Variants in FAAH2 observed in about 807,000 individuals in gnomAD.
FAAH2 encodes the protein fatty acid amide hydrolase 2.
Under a neutral mutation model 36.9 loss-of-function variants are expected in FAAH2, and 60 were observed. The ratio of observed to expected loss-of-function variants is 1.63; its 90% CI spans 1.32 to 2.02. The LOEUF is 2.02. FAAH2 is among the 30% of genes most tolerant of loss of function. FAAH2 has a pLI of 0.00. For missense variants in FAAH2, 689 were observed against 397.5 expected (o/e 1.73, Z -6.23); for synonymous variants, 214 against 143.8 (o/e 1.49, Z -3.49).
chrX:57,175,657 A>G, the FAAH2 span, among the ~76,000 whole-genome samples: 4 of 111,157 alleles, frequency 3.6e-5, no homozygotes, highest in African/African-American at 1.3e-4. Flanking sequence ...TTATTGTTTT[A>G]TAGGCCCTGT....
At chrX:57,219,650 G>A in the FAAH2 span, among the ~76,000 whole-genome samples, 1 of 110,768 alleles carries the variant, frequency 9.0e-6, no homozygotes, top group South Asian at 3.8e-4. Flanking sequence ...CCTGTTCCAG[G>A]AACAAAAAAG....
At chrX:57,175,328 T>A in the FAAH2 span, among the ~76,000 whole-genome samples, 1 of 111,987 alleles carries the variant, frequency 8.9e-6, no homozygotes, top group Admixed American at 9.5e-5. Flanking sequence ...TATATAACCT[T>A]CTTTGTCTTT....
intron 6 of FAAH2, among the ~76,000 whole-genome samples, chrX:57,379,220 T>A (rs2054770150): frequency 9.0e-6 from 1 of 111,099 alleles, no homozygotes; most frequent in Non-Finnish European, 1.9e-5. Context: ...CATTTCAAAT[T>A]ATTTCCATTT....
chrX:57,394,872 C>G (rs543273962), intron 7 of FAAH2: 17 of 1,005,506 alleles, frequency 1.7e-5, no homozygotes, highest in African/African-American at 7.6e-5. Context: ...AGAAGCAAGT[C>G]ACGCATCAGG....
chrX:57,175,402 G>T, the FAAH2 span, among the ~76,000 whole-genome samples: 1 of 111,336 alleles, frequency 9.0e-6, no homozygotes, highest in Non-Finnish European at 1.9e-5. Context: ...AATGCTTTTG[G>T]TTTTCATTTA....
the FAAH2 span, among the ~76,000 whole-genome samples, chrX:57,164,342 G>T: frequency 8.9e-6 from 1 of 111,986 alleles, no homozygotes; most frequent in Non-Finnish European, 1.9e-5. Context: ...CCCAAAAAAG[G>T]TACATAGATT....
intron 10 of FAAH2, among the ~76,000 whole-genome samples, chrX:57,465,571 CTTA>C (rs1330234041): frequency 9.0e-6 from 1 of 111,419 alleles, no homozygotes; most frequent in Non-Finnish European, 1.9e-5. Flanking sequence ...AACCAATACT[CTTA>C]TAATTCACAG....
chrX:57,424,282 C>CT lies in FAAH2; in HGVS notation c.997-7635dup, dbSNP rs778489936. Among the ~76,000 whole-genome samples, 13 of 112,258 alleles carry CT rather than the reference C, an allele frequency of 1.2e-4. No individual in the cohort carries two copies. The South Asian group carries it at 4.8e-3, about 42-fold the overall frequency. On this transcript the variant is annotated intron_variant, in intron 7 of 10. Transcript: ENST00000374900. ...GCACAGCATTACCCCATCTCTGGGG[C>CT]TGAGCATAGAACCCAGGCCACTGGG... is the stretch of plus-strand genomic sequence containing the variant.
chrX:57,201,172 C>T, the FAAH2 span, among the ~76,000 whole-genome samples: 1 of 110,194 alleles, frequency 9.1e-6, no homozygotes, highest in Admixed American at 9.6e-5. Context: ...CCTGTAATCC[C>T]AGCACTTTGG....
chrX:57,193,148 C>G, the FAAH2 span, among the ~76,000 whole-genome samples: 1 of 111,953 alleles, frequency 8.9e-6, no homozygotes, highest in East Asian at 2.8e-4. Flanking sequence ...AATTCTGTTT[C>G]TCAGCAAGGA....
At chrX:57,476,790 A>C (rs2057278443) in intron 10 of FAAH2, among the ~76,000 whole-genome samples, 2 of 110,574 alleles carry the variant, frequency 1.8e-5, no homozygotes, top group Admixed American at 1.9e-4. Flanking sequence ...TATATGGTAG[A>C]ATTTGACTGT....
intron 10 of FAAH2, among the ~76,000 whole-genome samples, chrX:57,486,874 A>C (rs1025664958): frequency 3.6e-5 from 4 of 111,719 alleles, no homozygotes; most frequent in Non-Finnish European, 7.5e-5. Flanking sequence ...GATATTCATG[A>C]AAGTATTCTT....
chrX:57,202,931 G>A, the FAAH2 span, among the ~76,000 whole-genome samples: 2 of 111,960 alleles, frequency 1.8e-5, no homozygotes, highest in Non-Finnish European at 3.8e-5. Flanking sequence ...CCAGAGCCCT[G>A]CTAGGAATTT....
the FAAH2 span, among the ~76,000 whole-genome samples, chrX:57,123,597 C>G: frequency 1.5e-4 from 17 of 112,102 alleles, no homozygotes; most frequent in South Asian, 3.7e-4. Context: ...CACAATGGTT[C>G]AACTAGTTTA....
intron 5 of FAAH2, among the ~76,000 whole-genome samples, chrX:57,346,311 T>C (rs1027034577): frequency 4.5e-5 from 5 of 111,776 alleles, no homozygotes; most frequent in African/African-American, 1.6e-4. Flanking sequence ...CCAAATTGGG[T>C]GCATGTATAT....
At chrX:57,332,452 A>T (rs1251612020) in intron 4 of FAAH2, among the ~76,000 whole-genome samples, 1 of 112,349 alleles carries the variant, frequency 8.9e-6, no homozygotes, top group East Asian at 2.8e-4. Context: ...TCTTAAATTT[A>T]TCAATATGCT....
intron 8 of FAAH2, among the ~76,000 whole-genome samples, chrX:57,446,106 G>T (rs143706906): frequency 0.011 from 1,198 of 112,076 alleles, 9 homozygotes; most frequent in Non-Finnish European, 0.018. Flanking sequence ...GGCAGGACTG[G>T]GTTGCAATGC....
chrX:57,309,486 G>T (rs1274644059), intron 2 of FAAH2, among the ~76,000 whole-genome samples: 2 of 111,579 alleles, frequency 1.8e-5, no homozygotes, highest in Non-Finnish European at 3.8e-5. Flanking sequence ...AAGTACTGGG[G>T]TACATATGCA....
chrX:57,170,810 T>C, the FAAH2 span, among the ~76,000 whole-genome samples: 1 of 110,225 alleles, frequency 9.1e-6, no homozygotes, highest in Non-Finnish European at 1.9e-5. Flanking sequence ...GTTTAAGCAA[T>C]TCTCCTGCCT....
Sources: allele counts gnomAD v4.1 joint callset (sites outside exome capture counted in the v4.1 genomes callset), GRCh38; gene constraint gnomAD v4.1.1; transcripts MANE v1.5; gene names NCBI Gene and HGNC (gene_info 2026-07-23, HGNC 2026-07-21).